Variants in EMID1 observed in about 807,000 individuals in gnomAD.
EMID1 encodes EMI domain-containing protein 1.
In EMID1, 40 loss-of-function variants were observed where a neutral mutation model predicts 60.6. The ratio of observed to expected loss-of-function variants is 0.66; its 90% CI spans 0.51 to 0.86. EMID1 has a LOEUF of 0.86. EMID1 is among the 40% of genes least tolerant of loss of function. The probability of loss-of-function intolerance (pLI) is 0.00; values close to 1 mark genes in which losing one functional copy is unlikely to be tolerated. For synonymous variants in EMID1, 242 were observed against 231.0 expected, an observed-to-expected ratio of 1.05 and a Z score of -0.43; for missense variants, 585 against 597.1, an observed-to-expected ratio of 0.98 and a Z score of 0.21.
intron 1 of EMID1, among the ~76,000 whole-genome samples, chr22:29,206,723 C>T (rs1215287284): frequency 6.6e-6 from 1 of 152,140 alleles, no homozygotes; most frequent in African/African-American, 2.4e-5. Context: ...CCCTGCTGGC[C>T]TTTACGGAGG....
intron 14 of EMID1, among the ~76,000 whole-genome samples, chr22:29,256,293 C>T (rs557141960): frequency 6.6e-6 from 1 of 151,692 alleles, no homozygotes; most frequent in Non-Finnish European, 1.5e-5. Flanking sequence ...GGCAACATGG[C>T]GAAACCCCGT....
chr22:29,247,018 G>A (rs1236698528), intron 13 of EMID1, among the ~76,000 whole-genome samples: 4 of 151,680 alleles, frequency 2.6e-5, no homozygotes, highest in South Asian at 4.2e-4. Context: ...AGTCTCTATC[G>A]CCCAGGCTGG....
chr22:29,251,243 G>A (rs1167322526), intron 13 of EMID1, among the ~76,000 whole-genome samples: 1 of 150,798 alleles, frequency 6.6e-6, no homozygotes, highest in Non-Finnish European at 1.5e-5. Context: ...CACCATGCCT[G>A]GCTAATTTTT....
chr22:29,221,995 T>A (rs2040315839), intron 3 of EMID1, among the ~76,000 whole-genome samples: 1 of 152,230 alleles, frequency 6.6e-6, no homozygotes, highest in Non-Finnish European at 1.5e-5. Context: ...TAATTCTTTC[T>A]GGTCCCTGGA....
intron 14 of EMID1, chr22:29,255,250 C>A: frequency 8.1e-7 from 1 of 1,236,294 alleles, no homozygotes; most frequent in Admixed American, 2.7e-5. Flanking sequence ...GCACCGTCTG[C>A]TCTTCTCCAT....
chr22:29,230,595 G>A (rs1300990927), intron 5 of EMID1, among the ~76,000 whole-genome samples: 1 of 152,152 alleles, frequency 6.6e-6, no homozygotes, highest in Non-Finnish European at 1.5e-5. Flanking sequence ...GCGAGCCTGG[G>A]GCTCCACTCC....
chr22:29,224,378 G>A (rs534523384), intron 3 of EMID1, among the ~76,000 whole-genome samples: 31 of 152,310 alleles, frequency 2.0e-4, no homozygotes, highest in Middle Eastern at 6.8e-3. Context: ...CTATGCCCCC[G>A]CCCCTGGTTT....
Position 29,206,098 on chromosome 22 carries a change from C to T in EMID1, c.60C>T (p.Gly20=). 1 of 1,230,762 alleles carries T rather than the reference C, an allele frequency of 8.1e-7. No homozygotes were observed. Among genetic ancestry groups the T allele is most frequent in the East Asian group, 3.2e-5 (1 of 31,654 alleles). 76.2% of individuals were successfully genotyped at this position (1,230,762 alleles called of 1,614,324 possible). A position where few individuals can be genotyped will look rare whatever the true frequency, so the allele number is the denominator to read the frequency against. Residue 20 remains glycine (G), a synonymous_variant, in exon 1 of 15, where the codon GGC becomes GGT. Transcript: ENST00000334018. The part of the protein sequence containing the change: ...LCLGLLLPGG[G]AAWSIGAAPF... ...TCGGGCTCCTGCTCCCGGGAGGCGG[C>T]GCTGCGTGGAGCATCGGGGCAGCTC...
chr22:29,223,009 T>C (rs6006061), intron 3 of EMID1, among the ~76,000 whole-genome samples: 10,085 of 152,178 alleles, frequency 0.066, 571 homozygotes, highest in African/African-American at 0.15. Flanking sequence ...GAGAATCGCT[T>C]GAACCCAGGA....
chr22:29,258,836 G>C lies in EMID1; in HGVS notation c.1224G>C (p.Gly408=). Residue 408 remains glycine, a synonymous_variant, in exon 15 of 15, where the codon GGG becomes GGC. Transcript: ENST00000334018. ...CGGCAGAACCAGAGCTGGGGTCTGG[G>C]GCGGGCCCTGCCGGCACAGGCACCC... is the stretch of plus-strand genomic sequence containing the variant. ...IGLYEPELGS[G]AGPAGTGTPS... The C allele has an allele frequency of 1.2e-6, 2 of 1,613,160 alleles. No individual in the cohort carries two copies. Among genetic ancestry groups the C allele is most frequent in the Non-Finnish European group, 8.5e-7 (1 of 1,179,806 alleles).
intron 1 of EMID1, among the ~76,000 whole-genome samples, chr22:29,209,360 T>C (rs1022315506): frequency 6.6e-6 from 1 of 151,882 alleles, no homozygotes; most frequent in Non-Finnish European, 1.5e-5. Context: ...AAGTGCCGCC[T>C]CTTCCCAGCC....
chr22:29,247,637 G>A (rs1347762380), intron 13 of EMID1, among the ~76,000 whole-genome samples: 1 of 152,136 alleles, frequency 6.6e-6, no homozygotes, highest in South Asian at 2.1e-4. Flanking sequence ...GAGCTTTTTT[G>A]TTTGTTTGTT....
At chr22:29,241,104 C>CTA (rs34888306) in intron 12 of EMID1, among the ~76,000 whole-genome samples, 21,407 of 152,110 alleles carry the variant, frequency 0.14, 1,761 homozygotes, top group East Asian at 0.23. Flanking sequence ...GGATGTGGGT[C>CTA]TGACTGGGTC....
At chr22:29,213,739 C>A (rs2039979046) in intron 1 of EMID1, among the ~76,000 whole-genome samples, 1 of 152,106 alleles carries the variant, frequency 6.6e-6, no homozygotes, top group South Asian at 2.1e-4. Context: ...CAGCCTGGGT[C>A]CCCCACCCCT....
chr22:29,255,208 G>GGGC, intron 14 of EMID1: 2 of 815,192 alleles, frequency 2.5e-6, no homozygotes, highest in Non-Finnish European at 3.5e-6. Context: ...TCCCCGCTTG[G>GGGC]CTCCCCAGCC....
At chr22:29,216,225 TCAGGGCTGAGCACC>T in intron 3 of EMID1, 7 of 862,090 alleles carry the variant, frequency 8.1e-6, no homozygotes, top group Non-Finnish European at 9.8e-6. Context: ...TCTGGGTGGC[TCAGGGCTGAGCACC>T]CTGCAGGGGC....
chr22:29,227,865 A>C (rs1002782235), intron 5 of EMID1, among the ~76,000 whole-genome samples: 5 of 152,070 alleles, frequency 3.3e-5, no homozygotes, highest in Admixed American at 2.6e-4. Flanking sequence ...AATACAAAAA[A>C]TTAGCCGGGG....
chr22:29,212,408 T>G (rs2039923152), intron 1 of EMID1, among the ~76,000 whole-genome samples: 1 of 151,738 alleles, frequency 6.6e-6, no homozygotes, highest in Non-Finnish European at 1.5e-5. Flanking sequence ...AGGGCTGAAA[T>G]CTTCACCTAC....
At chr22:29,218,503 T>C (rs1022420113) in intron 3 of EMID1, among the ~76,000 whole-genome samples, 3 of 152,000 alleles carry the variant, frequency 2.0e-5, no homozygotes, top group Admixed American at 1.3e-4. Flanking sequence ...AGAGCCAGGA[T>C]TGGGACCTGT....
Sources: gnomAD v4.1 joint callset for allele counts (sites outside exome capture counted in the v4.1 genomes callset) on GRCh38, gnomAD v4.1.1 for gene constraint, MANE v1.5 for transcripts, NCBI Gene and HGNC (gene_info 2026-07-23, HGNC 2026-07-21) for gene names.